Variants in DOK6 observed in about 807,000 individuals in gnomAD.
The protein encoded by DOK6 is docking protein 6.
In DOK6, 22 loss-of-function variants were observed where a neutral mutation model predicts 44.0. The observed-to-expected ratio is 0.50, with a 90% CI of 0.36 to 0.71. The LOEUF (loss-of-function observed/expected upper bound fraction) is 0.71. DOK6 is among the 30% of genes least tolerant of loss of function. The pLI is 0.00. For missense variants in DOK6, 340 were observed against 416.4 expected, an observed-to-expected ratio of 0.82 and a Z score of 1.60; for synonymous variants, 166 against 145.5, an observed-to-expected ratio of 1.14 and a Z score of -1.01.
chr18:69,753,897 A>G (rs1310728883), intron 6 of DOK6, among the ~76,000 whole-genome samples: 2 of 152,224 alleles, frequency 1.3e-5, no homozygotes, highest in Non-Finnish European at 2.9e-5. Flanking sequence ...AAGAACTTCA[A>G]ACACATGTAT....
intron 5 of DOK6, among the ~76,000 whole-genome samples, chr18:69,704,565 G>A (rs1986592569): frequency 7.0e-6 from 1 of 143,858 alleles, no homozygotes; most frequent in Non-Finnish European, 1.5e-5. Flanking sequence ...TGCAAGCTCC[G>A]CCTCCTGGGT....
At position 69,630,423 on chromosome 18, in the gene DOK6, G is replaced by A. The variant is rs563541460; in HGVS notation, c.289+30925G>A. ...TTTTTTAACATTTAGTAGCATTTAT[G>A]TTAAAATGTGTTTCACTTTAAAATT... On this transcript the variant is annotated intron_variant, in intron 3 of 7. Coordinates refer to ENST00000382713, the MANE Select transcript of DOK6 (RefSeq NM_152721.6). 2.6e-5 allele frequency among the ~76,000 whole-genome samples: 4 copies of A among 152,156 alleles called. No homozygotes were observed. In the South Asian group the frequency reaches 8.3e-4, roughly 32 times the overall value.
intron 1 of DOK6, among the ~76,000 whole-genome samples, chr18:69,492,881 T>C (rs1392781503): frequency 6.9e-6 from 1 of 144,764 alleles, no homozygotes; most frequent in Non-Finnish European, 1.6e-5. Context: ...AAGGAACGTT[T>C]TCTTTTCTTG....
At chr18:69,737,974 G>C (rs1393359242) in intron 5 of DOK6, among the ~76,000 whole-genome samples, 1 of 152,156 alleles carries the variant, frequency 6.6e-6, no homozygotes, top group Non-Finnish European at 1.5e-5. Context: ...AACAAAGAAA[G>C]CTCATTTGTT....
At chr18:69,522,063 T>C (rs1981702618) in intron 1 of DOK6, among the ~76,000 whole-genome samples, 1 of 152,054 alleles carries the variant, frequency 6.6e-6, no homozygotes, top group South Asian at 2.1e-4. Flanking sequence ...TTCCAGTGTT[T>C]TTCTTTCATA....
intron 7 of DOK6, among the ~76,000 whole-genome samples, chr18:69,822,788 T>A (rs559467950): frequency 6.6e-6 from 1 of 152,358 alleles, no homozygotes; most frequent in East Asian, 1.9e-4. Flanking sequence ...AATCTGCATC[T>A]GTTTACATTT....
intron 1 of DOK6, among the ~76,000 whole-genome samples, chr18:69,554,136 G>A (rs146598984): frequency 9.0e-4 from 137 of 152,286 alleles, no homozygotes; most frequent in African/African-American, 3.0e-3. Context: ...TAAGGCACCC[G>A]TAGAGAAAAT....
At chr18:69,692,642 G>A (rs1986293231) in intron 4 of DOK6, among the ~76,000 whole-genome samples, 1 of 152,196 alleles carries the variant, frequency 6.6e-6, no homozygotes, top group Non-Finnish European at 1.5e-5. Context: ...ACAATGAAGT[G>A]AAATTCTCCT....
intron 3 of DOK6, chr18:69,660,442 TG>T (rs1467583540): frequency 5.9e-5 from 9 of 152,226 alleles, no homozygotes; most frequent in Non-Finnish European, 1.2e-4. Flanking sequence ...TCTTTTATCG[TG>T]GTATGCGCTA....
intron 1 of DOK6, among the ~76,000 whole-genome samples, chr18:69,541,797 C>T (rs8087151): frequency 0.11 from 15,973 of 151,436 alleles, 2,859 homozygotes; most frequent in African/African-American, 0.36. Context: ...TTACAATGAA[C>T]AGGAAAGCTT....
chr18:69,797,016 T>C (rs1250938641), intron 7 of DOK6, among the ~76,000 whole-genome samples: 1 of 152,162 alleles, frequency 6.6e-6, no homozygotes, highest in Non-Finnish European at 1.5e-5. Flanking sequence ...CTGGAAATTG[T>C]ATCTGTCAAT....
intron 3 of DOK6, among the ~76,000 whole-genome samples, chr18:69,641,140 G>C (rs1297881550): frequency 6.6e-6 from 1 of 151,866 alleles, no homozygotes; most frequent in African/African-American, 2.4e-5. Flanking sequence ...GTTTGAACCT[G>C]GGAGGCGGAT....
At chr18:69,481,974 T>A (rs1377901219) in intron 1 of DOK6, among the ~76,000 whole-genome samples, 1 of 152,248 alleles carries the variant, frequency 6.6e-6, no homozygotes, top group Non-Finnish European at 1.5e-5. Flanking sequence ...TGATGGCCAG[T>A]GATGATGAGC....
chr18:69,579,937 TTAA>T (rs1983327811), intron 2 of DOK6, among the ~76,000 whole-genome samples: 1 of 152,146 alleles, frequency 6.6e-6, no homozygotes, highest in Non-Finnish European at 1.5e-5. Flanking sequence ...GTCAATTTTT[TTAA>T]TGTTTCATTG....
chr18:69,752,124 A>G (rs1979202592), intron 6 of DOK6, among the ~76,000 whole-genome samples: 1 of 152,146 alleles, frequency 6.6e-6, no homozygotes, highest in South Asian at 2.1e-4. Context: ...GAACTGAAAA[A>G]TATGAGTTAT....
intron 1 of DOK6, 39 bp downstream of exon 1, chr18:69,401,349 G>A (rs997294549): frequency 2.1e-6 from 3 of 1,450,572 alleles, no homozygotes; most frequent in Non-Finnish European, 2.7e-6. Context: ...CCCGGCGCTC[G>A]TTCGGCCCGG....
chr18:69,730,005 C>T (rs1052024912), intron 5 of DOK6, among the ~76,000 whole-genome samples: 4 of 151,996 alleles, frequency 2.6e-5, no homozygotes, highest in Admixed American at 6.6e-5. Flanking sequence ...TTTCAGAAAG[C>T]TTAGAGAAAG....
At chr18:69,423,946 TC>T (rs1465077984) in intron 1 of DOK6, among the ~76,000 whole-genome samples, 1 of 152,222 alleles carries the variant, frequency 6.6e-6, no homozygotes, top group Non-Finnish European at 1.5e-5. Context: ...TTTTTGTATT[TC>T]TTTAAATAAT....
At chr18:69,697,094 G>T (rs12962466) in intron 4 of DOK6, among the ~76,000 whole-genome samples, 13,942 of 152,046 alleles carry the variant, frequency 0.092, 932 homozygotes, top group African/African-American at 0.19. Context: ...GCTAGTTAAT[G>T]TTAAGCTATC....
Sources: allele counts gnomAD v4.1 joint callset (sites outside exome capture counted in the v4.1 genomes callset), GRCh38; gene constraint gnomAD v4.1.1; transcripts MANE v1.5; gene names NCBI Gene and HGNC (gene_info 2026-07-23, HGNC 2026-07-21).